The following LIMS4 variants were observed in gnomAD, a reference collection of about 807,000 sequenced individuals.
LIMS4 encodes the protein LIM and senescent cell antigen-like-containing domain protein 4.
chr2:110,432,985 G>A, the LIMS4 span, among the ~76,000 whole-genome samples: 3,957 of 113,804 alleles, frequency 0.035, 6 homozygotes, highest in African/African-American at 0.13. Context: ...GAAAGCAAGC[G>A]TGGCTTAAGG....
chr2:110,425,384 A>G, the LIMS4 span, among the ~76,000 whole-genome samples: 4 of 140,476 alleles, frequency 2.8e-5, 1 homozygote, highest in African/African-American at 6.1e-5. Flanking sequence ...CTCTAAACAT[A>G]AAAAATTAAA....
chr2:110,391,186 A>T, the LIMS4 span, among the ~76,000 whole-genome samples: 1 of 151,696 alleles, frequency 6.6e-6, no homozygotes, highest in Non-Finnish European at 1.5e-5. Flanking sequence ...ATCCTGGGCC[A>T]GGTCCACTGT....
chr2:110,373,781 G>T, the LIMS4 span, among the ~76,000 whole-genome samples: 2 of 149,076 alleles, frequency 1.3e-5, no homozygotes, highest in Admixed American at 1.3e-4. Flanking sequence ...TGTGGTGGGT[G>T]ATGTCTACCT....
chr2:110,391,805 A>T, the LIMS4 span, among the ~76,000 whole-genome samples: 1 of 143,060 alleles, frequency 7.0e-6, no homozygotes, highest in South Asian at 2.2e-4. Flanking sequence ...CACTGGAAGG[A>T]TTAACGGAGG....
At chr2:110,368,427 CTTATA>C in the LIMS4 span, among the ~76,000 whole-genome samples, 1 of 151,502 alleles carries the variant, frequency 6.6e-6, no homozygotes. Context: ...CATACAACTA[CTTATA>C]TTTATTAATA....
the LIMS4 span, among the ~76,000 whole-genome samples, chr2:110,382,124 T>G: frequency 1.0e-5 from 1 of 98,218 alleles, no homozygotes; most frequent in Non-Finnish European, 1.8e-5. Context: ...TATATATATA[T>G]ATATATATAT....
chr2:110,411,637 A>T, the LIMS4 span, among the ~76,000 whole-genome samples: 3 of 125,772 alleles, frequency 2.4e-5, no homozygotes, highest in Admixed American at 1.7e-4. Context: ...AAAAACACTC[A>T]CCAGCAATGC....
At chr2:110,392,326 C>G in the LIMS4 span, among the ~76,000 whole-genome samples, 10 of 150,966 alleles carry the variant, frequency 6.6e-5, no homozygotes, top group African/African-American at 7.4e-5. Flanking sequence ...GTGGTCCCAG[C>G]TACTCGGGAG....
At chr2:110,360,798 G>A in the LIMS4 span, 541 of 1,510,338 alleles carry the variant, frequency 3.6e-4, no homozygotes, top group East Asian at 8.2e-4. Flanking sequence ...CCCCAGCCCC[G>A]TTTTGCTTGG....
the LIMS4 span, among the ~76,000 whole-genome samples, chr2:110,425,107 C>G: frequency 7.0e-6 from 1 of 142,410 alleles, no homozygotes; most frequent in South Asian, 2.1e-4. Flanking sequence ...CCAGCAAGGT[C>G]CATGGCTTCA....
the LIMS4 span, chr2:110,361,223 C>G: frequency 1.1e-6 from 1 of 873,478 alleles, no homozygotes; most frequent in South Asian, 1.4e-5. Flanking sequence ...AAAGGTACCT[C>G]TAGAGTCTGA....
At chr2:110,447,426 T>G (rs1574284354) in intron 8 of LIMS4, among the ~76,000 whole-genome samples, 1 of 25,344 alleles carries the variant, frequency 3.9e-5, no homozygotes, top group African/African-American at 1.0e-4. Context: ...TAGCTGGGAC[T>G]ACAGTGCATG....
At chr2:110,397,478 A>T in the LIMS4 span, 1 of 129,760 alleles carries the variant, frequency 7.7e-6, no homozygotes, top group Non-Finnish European at 1.6e-5. Context: ...GATAATGTAG[A>T]TTATAAAGTA....
chr2:110,361,126 A>G, the LIMS4 span: 9 of 935,218 alleles, frequency 9.6e-6, no homozygotes, highest in Admixed American at 9.5e-5. Flanking sequence ...TTTCCTCCTC[A>G]TTGATGGCGT....
At chr2:110,382,273 A>T in the LIMS4 span, among the ~76,000 whole-genome samples, 1 of 39,748 alleles carries the variant, frequency 2.5e-5, no homozygotes, top group Non-Finnish European at 4.2e-5. Flanking sequence ...ACATGAAAAC[A>T]TGCTCAATCT....
the LIMS4 span, among the ~76,000 whole-genome samples, chr2:110,390,420 G>A: frequency 8.3e-6 from 1 of 120,512 alleles, no homozygotes; most frequent in South Asian, 2.9e-4. Context: ...GGAATAAGAG[G>A]GTTTTCTGAT....
At chr2:110,361,868 G>A in the LIMS4 span, 394 of 1,175,446 alleles carry the variant, frequency 3.4e-4, 3 homozygotes, top group East Asian at 1.4e-3. Flanking sequence ...AGACTTAAAC[G>A]TCATTGGACA....
At chr2:110,390,239 T>C in the LIMS4 span, among the ~76,000 whole-genome samples, 1 of 140,544 alleles carries the variant, frequency 7.1e-6, no homozygotes, top group Non-Finnish European at 1.5e-5. Context: ...GGGTGGTTGA[T>C]GCACTGAGAC....
the LIMS4 span, chr2:110,361,001 A>G: frequency 6.5e-5 from 102 of 1,579,316 alleles, 3 homozygotes; most frequent in Non-Finnish European, 8.3e-5. Flanking sequence ...AACCTTAAAA[A>G]CATTGATTTC....
Sources: gnomAD v4.1 joint callset for allele counts (sites outside exome capture counted in the v4.1 genomes callset) on GRCh38, gnomAD v4.1.1 for gene constraint, MANE v1.5 for transcripts, NCBI Gene and HGNC (gene_info 2026-07-23, HGNC 2026-07-21) for gene names.